CARMIL1: variants seen among roughly 807,000 people sequenced by gnomAD.
CARMIL1 encodes the protein F-actin-uncapping protein LRRC16A.
In CARMIL1, 90 loss-of-function variants were observed where a neutral mutation model predicts 177.1. That is an observed-to-expected ratio of 0.51 (90% CI 0.43 to 0.61). CARMIL1 has a LOEUF of 0.61. CARMIL1 is among the 20% of genes least tolerant of loss of function. The pLI is 0.00. For missense variants in CARMIL1, 1,380 were observed against 1,667.0 expected (o/e 0.83, Z 3.00); for synonymous variants, 577 against 606.2 (o/e 0.95, Z 0.71).
At chr6:25,378,379 T>G (rs1471243792) in intron 2 of CARMIL1, among the ~76,000 whole-genome samples, 3 of 152,216 alleles carry the variant, frequency 2.0e-5, no homozygotes, top group Non-Finnish European at 4.4e-5. Flanking sequence ...CCCTGTGCTC[T>G]CTTATGGCTG....
intron 2 of CARMIL1, among the ~76,000 whole-genome samples, chr6:25,375,579 G>A (rs150789825): frequency 1.3e-5 from 2 of 152,298 alleles, no homozygotes; most frequent in East Asian, 3.9e-4. Context: ...TCTCAAATAA[G>A]TTTCCCAAAT....
intron 2 of CARMIL1, among the ~76,000 whole-genome samples, chr6:25,304,150 G>A (rs896524791): frequency 1.3e-5 from 2 of 152,204 alleles, no homozygotes; most frequent in African/African-American, 4.8e-5. Flanking sequence ...AAAAGAAGAC[G>A]TAGATTTATT....
chr6:25,524,240 C>A (rs757794391), intron 23 of CARMIL1, among the ~76,000 whole-genome samples: 3 of 152,108 alleles, frequency 2.0e-5, no homozygotes, highest in Non-Finnish European at 4.4e-5. Flanking sequence ...GCCCAGGGAC[C>A]AGGATTGCTT....
At chr6:25,441,389 G>C (rs1440732580) in intron 5 of CARMIL1, among the ~76,000 whole-genome samples, 2 of 139,556 alleles carry the variant, frequency 1.4e-5, no homozygotes, top group Non-Finnish European at 3.1e-5. Flanking sequence ...GTGTGTGTGT[G>C]TATGTATATG....
chr6:25,581,146 G>A (rs950913266), intron 30 of CARMIL1, 97 bp from the exon 31 acceptor site: 161 of 1,329,138 alleles, frequency 1.2e-4, no homozygotes, highest in Non-Finnish European at 1.6e-4. Context: ...GCTATTCTAT[G>A]CTAGACTTAA....
chr6:25,281,299 G>C (rs573365571), intron 1 of CARMIL1, among the ~76,000 whole-genome samples: 2 of 152,070 alleles, frequency 1.3e-5, no homozygotes, highest in African/African-American at 2.4e-5. Context: ...CCAAGCAAAC[G>C]CCAGAGGCTC....
chr6:25,355,057 C>G (rs545723768), intron 2 of CARMIL1, among the ~76,000 whole-genome samples: 34 of 152,322 alleles, frequency 2.2e-4, no homozygotes, highest in African/African-American at 7.5e-4. Flanking sequence ...GTAATACCCT[C>G]TCCTTGGGTA....
chr6:25,451,986 G>GGGGGGGGGGGGCCCCC, intron 8 of CARMIL1: 1 of 112,670 alleles, frequency 8.9e-6, no homozygotes, highest in Non-Finnish European at 1.7e-5. Flanking sequence ...CTAGCATCTT[G>GGGGGGGGGGGGCCCCC]CCCCCCCCTC....
chr6:25,405,945 T>TA (rs2150603361), intron 2 of CARMIL1, among the ~76,000 whole-genome samples: 1 of 152,258 alleles, frequency 6.6e-6, no homozygotes, highest in East Asian at 1.9e-4. Context: ...GAGGTGGAAA[T>TA]AGGGTGAGAA....
In CARMIL1 at chr6:25,490,227, T is replaced by G. The variant is rs76203480; in HGVS notation, c.1066-1505T>G. ...GCCTCTTTGGAGAAGTGTGGCCAAA[T>G]AGTCTTGTCACCATTTCATGGTGAT... On this transcript the variant is annotated intron_variant, in intron 13 of 36. Transcript: ENST00000329474. Among the ~76,000 whole-genome samples the G allele has an allele frequency of 7.3e-3, 1,115 of 152,224 alleles. 10 individuals carry two copies. The highest frequency in any genetic ancestry group is 0.022 in the African/African-American group (904 of 41,552).
intron 2 of CARMIL1, among the ~76,000 whole-genome samples, chr6:25,292,281 G>GC (rs1782032946): frequency 6.6e-6 from 1 of 152,134 alleles, no homozygotes; most frequent in Non-Finnish European, 1.5e-5. Context: ...GATTTTCAAA[G>GC]CACCTGGGTG....
chr6:25,430,772 T>G (rs1039106932), intron 4 of CARMIL1, among the ~76,000 whole-genome samples: 2 of 152,248 alleles, frequency 1.3e-5, no homozygotes, highest in Admixed American at 1.3e-4. Flanking sequence ...TATTCCTTAA[T>G]GATATAGATC....
At chr6:25,518,440 C>A (rs1262447078) in intron 22 of CARMIL1, among the ~76,000 whole-genome samples, 1 of 152,164 alleles carries the variant, frequency 6.6e-6, no homozygotes, top group African/African-American at 2.4e-5. Context: ...AAAGTTACTA[C>A]CATTACAAAA....
intron 2 of CARMIL1, among the ~76,000 whole-genome samples, chr6:25,297,790 G>A (rs184035567): frequency 1.3e-5 from 2 of 152,186 alleles, no homozygotes; most frequent in East Asian, 1.9e-4. Context: ...TCATGCTCAC[G>A]TCGTTTTTTC....
At chr6:25,400,555 G>T (rs978315275) in intron 2 of CARMIL1, among the ~76,000 whole-genome samples, 1 of 152,108 alleles carries the variant, frequency 6.6e-6, no homozygotes, top group Non-Finnish European at 1.5e-5. Context: ...GTGCTTCATG[G>T]TAATGGCCAA....
rs535718131 is a variant in CARMIL1 at position 25,466,880 on chromosome 6, A to C, written c.690+932A>C. On this transcript the variant is annotated intron_variant, in intron 9 of 36. Coordinates refer to ENST00000329474, the MANE Select transcript of CARMIL1 (RefSeq NM_017640.6). The stretch of plus-strand genomic sequence containing the variant: ...AGAGGAAAATGCATGAACTTGGAAT[A>C]AGAAACCTGGATTTCAGATTTTAAT... Among the ~76,000 whole-genome samples, 6 of 152,302 alleles carry C rather than the reference A, an allele frequency of 3.9e-5. 1 individual carries two copies. Among genetic ancestry groups the C allele is most frequent in the South Asian group, 4.1e-4 (2 of 4,822 alleles).
At chr6:25,349,504 C>T (rs1426178830) in intron 2 of CARMIL1, among the ~76,000 whole-genome samples, 1 of 152,100 alleles carries the variant, frequency 6.6e-6, no homozygotes, top group African/African-American at 2.4e-5. Context: ...CTGTGGGGCT[C>T]ATATACTGTT....
intron 17 of CARMIL1, among the ~76,000 whole-genome samples, chr6:25,502,132 T>A (rs1804438967): frequency 6.6e-6 from 1 of 151,632 alleles, no homozygotes; most frequent in African/African-American, 2.4e-5. Context: ...TAATATTAAT[T>A]AATTATTTGT....
chr6:25,332,742 T>TACACGCACAC (rs756617096), intron 2 of CARMIL1, among the ~76,000 whole-genome samples: 7 of 140,180 alleles, frequency 5.0e-5, no homozygotes, highest in African/African-American at 1.9e-4. Context: ...CAAACATGCA[T>TACACGCACAC]ACACACACAC....
Sources: gnomAD v4.1 joint callset for allele counts (sites outside exome capture counted in the v4.1 genomes callset) on GRCh38, gnomAD v4.1.1 for gene constraint, MANE v1.5 for transcripts, NCBI Gene and HGNC (gene_info 2026-07-23, HGNC 2026-07-21) for gene names.